Variants in MCCC2 observed in about 807,000 individuals in gnomAD.
MCCC2 encodes the protein methylcrotonoyl-CoA carboxylase beta chain, mitochondrial.
Under a neutral mutation model 77.2 loss-of-function variants are expected in MCCC2, and 52 were observed. The ratio of observed to expected loss-of-function variants is 0.67; its 90% CI spans 0.54 to 0.85. The LOEUF (loss-of-function observed/expected upper bound fraction) is 0.85. Ranked by LOEUF, MCCC2 falls within the 40% of genes least tolerant of loss-of-function variation. MCCC2 has a pLI of 0.00. For synonymous variants in MCCC2, 253 were observed against 248.4 expected, an observed-to-expected ratio of 1.02 and a Z score of -0.18; for missense variants, 682 against 703.2, an observed-to-expected ratio of 0.97 and a Z score of 0.34.
At chr5:71,612,704 G>A (rs1021361878) in intron 6 of MCCC2, among the ~76,000 whole-genome samples, 8 of 152,182 alleles carry the variant, frequency 5.3e-5, no homozygotes, top group African/African-American at 1.9e-4. Context: ...TCCTAGGGCT[G>A]TTGTAACAAA....
chr5:71,610,216 C>T (rs1247149007), intron 6 of MCCC2, among the ~76,000 whole-genome samples: 5 of 152,186 alleles, frequency 3.3e-5, no homozygotes, highest in South Asian at 2.1e-4. Flanking sequence ...TAGCAATCAG[C>T]GAGACTCCGT....
At chr5:71,632,777 A>G (rs1226743901) in intron 8 of MCCC2, among the ~76,000 whole-genome samples, 1 of 152,070 alleles carries the variant, frequency 6.6e-6, no homozygotes, top group Non-Finnish European at 1.5e-5. Flanking sequence ...TCAGACACAG[A>G]TGCACGTAGT....
chr5:71,613,799 G>C (rs549260104), intron 6 of MCCC2, among the ~76,000 whole-genome samples: 1 of 151,874 alleles, frequency 6.6e-6, no homozygotes, highest in East Asian at 1.9e-4. Flanking sequence ...GTAAGTACTA[G>C]TGTTTTCAGT....
At position 71,646,064 on chromosome 5, in the gene MCCC2, T is replaced by TA. The variant is rs70992994; in HGVS notation, c.1150-135dup. On this transcript the variant is annotated intron_variant, in intron 12 of 16. Transcript: ENST00000340941. ...GCAACAGAGTGAGACCATGTTTCTTTAAAAAAAAAAAATTAATAAGAAGAG... is the reference window on the plus strand; with the variant it reads ...GCAACAGAGTGAGACCATGTTTCTTTAAAAAAAAAAAAATTAATAAGAAGAG... 280,683 of 449,934 alleles carry TA rather than the reference T, an allele frequency of 0.62. 64,725 individuals are homozygous for TA. The highest frequency in any genetic ancestry group is 0.71 in the Admixed American group (19,815 of 28,046). The allele number at this position is 449,934 out of a possible 1,614,324, so 27.9% of individuals were successfully genotyped here.
rs1747359129 is a variant in MCCC2, at chr5:71,649,149, C to T, written c.1269C>T (p.Ala423=). Residue 423 remains alanine (A), a synonymous_variant, in exon 14 of 17, where the codon GCC becomes GCT. Transcript: ENST00000340941. ...CTGAAGGAATTGCCAAGGATGGTGC[C>T]AAGATGGTGGCCGCTGTGGCCTGTG... ...YEAEGIAKDG[A]KMVAAVACAQ... 6.2e-7 allele frequency: 1 copy of T among 1,614,210 alleles called. No individual in the cohort carries two copies. The highest frequency in any genetic ancestry group is 1.1e-5 in the South Asian group (1 of 91,078).
chr5:71,601,164 A>G (rs997760204), intron 4 of MCCC2, among the ~76,000 whole-genome samples: 2 of 152,204 alleles, frequency 1.3e-5, no homozygotes, highest in African/African-American at 4.8e-5. Flanking sequence ...TTGTGGGCCA[A>G]TTTGATTTCT....
In MCCC2 at chr5:71,643,830, A is replaced by T; in HGVS notation, c.1084A>T (p.Ile362Leu). The T allele has an allele frequency of 6.2e-7, 1 of 1,614,170 alleles. No homozygotes were observed. Among genetic ancestry groups the T allele is most frequent in the East Asian group, 2.2e-5 (1 of 44,870 alleles). Residue 362 changes from isoleucine to leucine, a missense_variant, in exon 12 of 17, where the codon ATA (isoleucine) becomes TTA (leucine). By Grantham distance (5) the Ile-to-Leu change is conservative. Coordinates refer to ENST00000340941, the MANE Select transcript of MCCC2 (RefSeq NM_022132.5). ...AACTTTCTTTTGAGGATTTGCTCGA[A>T]TATTTGGGTACCCAGTAGGTATCGT... is the stretch of plus-strand genomic sequence containing the variant. ...GDTLVTGFARIFGYPVGIVGN... is the reference protein window; with the variant it reads ...GDTLVTGFARLFGYPVGIVGN...
chr5:71,656,778 C>T lies in MCCC2; in HGVS notation c.1610C>T (p.Thr537Ile). 6.2e-7 allele frequency: 1 copy of T among 1,614,074 alleles called. No homozygotes were observed. The highest frequency in any genetic ancestry group is 1.1e-5 in the South Asian group (1 of 91,080). ...WDDGIIDPAD[T>I]RLVLGLSFSA... ...GATGGGATCATTGATCCAGCAGACA[C>T]CAGACTGGTCTTGGGTCTCAGTTTT... is the stretch of plus-strand genomic sequence containing the variant. Residue 537 changes from threonine (T) to isoleucine (I), a missense_variant, in exon 17 of 17, where the codon ACC (threonine) becomes ATC (isoleucine). By Grantham distance (89) the Thr-to-Ile change is moderately conservative. Transcript: ENST00000340941.
chr5:71,653,791 C>T (rs956424801), intron 16 of MCCC2, among the ~76,000 whole-genome samples: 2 of 148,978 alleles, frequency 1.3e-5, no homozygotes, highest in Non-Finnish European at 3.0e-5. Context: ...GTCAAGGCTG[C>T]AGTGAGCCGA....
At chr5:71,652,797 GCAGT>G in intron 16 of MCCC2, 43 bp downstream of exon 16, 1 of 1,519,194 alleles carries the variant, frequency 6.6e-7, no homozygotes, top group Non-Finnish European at 9.1e-7. Context: ...GGTGCAGATG[GCAGT>G]CAGAGGAACA....
chr5:71,623,484 A>C (rs1348138766), intron 6 of MCCC2, among the ~76,000 whole-genome samples: 1 of 152,136 alleles, frequency 6.6e-6, no homozygotes, highest in African/African-American at 2.4e-5. Flanking sequence ...AGCTCACACC[A>C]TGTCACGTGA....
intron 6 of MCCC2, among the ~76,000 whole-genome samples, chr5:71,610,441 G>A (rs1050876821): frequency 1.6e-4 from 25 of 152,198 alleles, no homozygotes; most frequent in East Asian, 1.2e-3. Flanking sequence ...CACGGTGCGC[G>A]CACCCACTGA....
intron 6 of MCCC2, among the ~76,000 whole-genome samples, chr5:71,611,350 T>TG (rs1374893527): frequency 6.6e-6 from 1 of 152,146 alleles, no homozygotes. Context: ...TACAGCGAGC[T>TG]GTGGTTGCAC....
In MCCC2 at chr5:71,623,057, T is replaced by A. The variant is rs1003735644; in HGVS notation, c.625-3583T>A. Among the ~76,000 whole-genome samples the A allele has an allele frequency of 2.9e-4, 44 of 152,360 alleles. 2 individuals are homozygous for A. The highest frequency in any genetic ancestry group is 2.0e-3 in the Admixed American group (31 of 15,312). On this transcript the variant is annotated intron_variant, in intron 6 of 16. Transcript: ENST00000340941. ...AGTTCTACATATTGTCTGCCATCTC[T>A]GGAATAGTTGAACAGGTTAGATAGG...
At chr5:71,651,423 G>A (rs541351385) in intron 15 of MCCC2, among the ~76,000 whole-genome samples, 22 of 152,288 alleles carry the variant, frequency 1.4e-4, no homozygotes, top group African/African-American at 4.6e-4. Context: ...TTGAAATTTT[G>A]CATTAATTTT....
chr5:71,632,654 G>T (rs145825627), intron 8 of MCCC2, among the ~76,000 whole-genome samples: 193 of 152,282 alleles, frequency 1.3e-3, no homozygotes, highest in African/African-American at 4.1e-3. Flanking sequence ...TTTAGTAACT[G>T]GTTCTCTGGG....
intron 10 of MCCC2, among the ~76,000 whole-genome samples, chr5:71,637,169 T>G (rs182572451): frequency 6.6e-6 from 1 of 152,258 alleles, no homozygotes; most frequent in Non-Finnish European, 1.5e-5. Flanking sequence ...TAAGAAATTT[T>G]CAAATATGCT....
chr5:71,609,280 T>C (rs1745818461), intron 6 of MCCC2, among the ~76,000 whole-genome samples: 1 of 150,638 alleles, frequency 6.6e-6, no homozygotes, highest in Admixed American at 6.7e-5. Flanking sequence ...TTTATTCTTT[T>C]TTCTCTAAAC....
At chr5:71,604,529 T>C in intron 6 of MCCC2, 61 bp downstream of exon 6, 1 of 1,255,826 alleles carries the variant, frequency 8.0e-7, no homozygotes, top group African/African-American at 1.5e-5. Flanking sequence ...CTTTACGAAT[T>C]AGGTACTCTG....
Sources: gnomAD v4.1 joint callset for allele counts (sites outside exome capture counted in the v4.1 genomes callset) on GRCh38, gnomAD v4.1.1 for gene constraint, MANE v1.5 for transcripts, NCBI Gene and HGNC (gene_info 2026-07-23, HGNC 2026-07-21) for gene names.